PDXDC1: variants seen among roughly 807,000 people sequenced by gnomAD.
PDXDC1 encodes the protein pyridoxal-dependent decarboxylase domain-containing protein 1.
PDXDC1 carries 42 observed loss-of-function variants against 100.1 expected under a neutral mutation model. That is an observed-to-expected ratio of 0.42 (90% CI 0.33 to 0.54). The LOEUF (loss-of-function observed/expected upper bound fraction) is 0.54, where lower values mean the gene tolerates loss of function less well. Ranked by LOEUF, PDXDC1 falls within the 20% of genes least tolerant of loss-of-function variation. PDXDC1 has a pLI of 0.10. For missense variants in PDXDC1, 636 were observed against 979.2 expected, an observed-to-expected ratio of 0.65 and a Z score of 4.68; for synonymous variants, 260 against 371.7, an observed-to-expected ratio of 0.70 and a Z score of 3.46.
intron 1 of PDXDC1, among the ~76,000 whole-genome samples, chr16:14,985,686 C>T (rs1315555979): frequency 1.3e-5 from 2 of 152,282 alleles, no homozygotes; most frequent in Non-Finnish European, 2.9e-5. Context: ...ACTTTTCCTC[C>T]AACATTTAAA....
intron 11 of PDXDC1, among the ~76,000 whole-genome samples, chr16:15,018,433 G>A (rs1381842459): frequency 6.6e-6 from 1 of 152,258 alleles, no homozygotes; most frequent in Non-Finnish European, 1.5e-5. Context: ...TAATAATAAT[G>A]TGGTTCTTGA....
chr16:15,000,757 T>C (rs1268189284), intron 3 of PDXDC1, among the ~76,000 whole-genome samples: 2 of 152,114 alleles, frequency 1.3e-5, no homozygotes, highest in Non-Finnish European at 2.9e-5. Flanking sequence ...GAAGAGCTGG[T>C]AATAAATGAA....
intron 16 of PDXDC1, among the ~76,000 whole-genome samples, chr16:15,136,307 C>T (rs1169576468): frequency 6.6e-6 from 1 of 152,194 alleles, no homozygotes; most frequent in Non-Finnish European, 1.5e-5. Flanking sequence ...ACCCACGGGG[C>T]CTGTGGGCAC....
chr16:15,047,180 G>C, intron 16 of PDXDC1: 1 of 499,760 alleles, frequency 2.0e-6, no homozygotes, highest in Non-Finnish European at 3.6e-6. Context: ...TCGCAACCTC[G>C]ACGTTCCTGA....
intron 16 of PDXDC1, among the ~76,000 whole-genome samples, chr16:15,089,063 G>A (rs563625542): frequency 1.3e-5 from 2 of 152,272 alleles, no homozygotes; most frequent in African/African-American, 2.4e-5. Flanking sequence ...AGCACTTTGG[G>A]AGGCTGAGGC....
downstream of PDXDC1, among the ~76,000 whole-genome samples, chr16:15,142,117 G>C (rs1320626097): frequency 5.3e-5 from 8 of 152,154 alleles, no homozygotes; most frequent in African/African-American, 9.7e-5. Flanking sequence ...AAGGAAAGAA[G>C]GAAAAGCCTG....
At chr16:14,996,573 T>G (rs1163354643) in intron 1 of PDXDC1, among the ~76,000 whole-genome samples, 3 of 152,292 alleles carry the variant, frequency 2.0e-5, no homozygotes, top group African/African-American at 7.2e-5. Context: ...GGAATGCGTA[T>G]GTTTTAATTC....
intron 16 of PDXDC1, among the ~76,000 whole-genome samples, chr16:15,077,603 A>G (rs879313748): frequency 2.0e-5 from 3 of 152,140 alleles, no homozygotes; most frequent in Non-Finnish European, 4.4e-5. Context: ...GCTCTTTGGG[A>G]GGCCGAGGTG....
chr16:15,009,793 A>G (rs751461728), intron 8 of PDXDC1, 34 bp downstream of exon 8: 10 of 1,613,540 alleles, frequency 6.2e-6, no homozygotes, highest in Non-Finnish European at 7.6e-6. Context: ...ACCATTTTGA[A>G]TATATAGGAG....
At chr16:15,108,127 A>C in intron 16 of PDXDC1, 2 of 836,432 alleles carry the variant, frequency 2.4e-6, no homozygotes, top group Non-Finnish European at 2.9e-6. Context: ...GACAACTGCA[A>C]ACCATCCACC....
chr16:15,039,952 G>T, downstream of PDXDC1: 5 of 1,423,874 alleles, frequency 3.5e-6, no homozygotes, highest in Non-Finnish European at 4.9e-6. Flanking sequence ...CCTTAACAAA[G>T]ATGATTTGAA....
At position 14,979,262 on chromosome 16, in the gene PDXDC1, G is replaced by T. The variant is rs371691356; in HGVS notation, c.21+4042G>T. The stretch of plus-strand genomic sequence containing the variant: ...GTGGAACATTTCCATCGCAAAGAAG[G>T]TTCCACTGGACAGTGCTAAGAGCTG... On this transcript the variant is annotated intron_variant, in intron 1 of 22. Transcript: ENST00000396410. Among the ~76,000 whole-genome samples the T allele has an allele frequency of 7.2e-5, 11 of 152,322 alleles. No homozygotes were observed. In the East Asian group the frequency reaches 1.6e-3, roughly 21 times the overall value.
At chr16:15,095,970 T>G (rs1484321095) in intron 16 of PDXDC1, among the ~76,000 whole-genome samples, 4 of 151,668 alleles carry the variant, frequency 2.6e-5, no homozygotes, top group African/African-American at 7.3e-5. Context: ...TCCCAGCTAC[T>G]TGAAAACTGA....
downstream of PDXDC1, among the ~76,000 whole-genome samples, chr16:15,041,324 C>A (rs1368538320): frequency 1.3e-5 from 2 of 152,100 alleles, no homozygotes; most frequent in African/African-American, 4.8e-5. Flanking sequence ...GCTGCAGAAT[C>A]GGTCCCCACT....
chr16:15,030,154 A>G, intron 16 of PDXDC1, 98 bp downstream of exon 16: 1 of 1,026,830 alleles, frequency 9.7e-7, no homozygotes, highest in Non-Finnish European at 1.5e-6. Flanking sequence ...AGTTATTAGC[A>G]GCTCTTTTTG....
intron 16 of PDXDC1, chr16:15,071,045 A>C (rs774531396): frequency 1.5e-6 from 2 of 1,314,476 alleles, no homozygotes; most frequent in East Asian, 4.8e-5. Flanking sequence ...AATGGGAGAT[A>C]TTTCTGACTT....
chr16:15,035,304 C>CG (rs2043344351), intron 21 of PDXDC1, 145 bp from the exon 22 acceptor site: 1 of 499,586 alleles, frequency 2.0e-6, no homozygotes, highest in East Asian at 3.4e-5. Flanking sequence ...ACGGCACATT[C>CG]ATAAGTGCCC....
intron 16 of PDXDC1, among the ~76,000 whole-genome samples, chr16:15,062,606 T>A (rs1239285106): frequency 1.3e-5 from 2 of 152,202 alleles, no homozygotes; most frequent in Admixed American, 6.5e-5. Context: ...CACCCATTCA[T>A]GAAGATCTAT....
At chr16:15,092,437 G>T (rs1416922440) in intron 16 of PDXDC1, 4 of 872,618 alleles carry the variant, frequency 4.6e-6, no homozygotes, top group Middle Eastern at 4.3e-4. Flanking sequence ...ATTTCTATTG[G>T]TCTTTAGTAT....
Sources: gnomAD v4.1 joint callset for allele counts (sites outside exome capture counted in the v4.1 genomes callset) on GRCh38, gnomAD v4.1.1 for gene constraint, MANE v1.5 for transcripts, NCBI Gene and HGNC (gene_info 2026-07-23, HGNC 2026-07-21) for gene names.